EPB41L3: variants seen among roughly 807,000 people sequenced by gnomAD.
EPB41L3 encodes band 4.1-like protein 3.
In EPB41L3, 57 loss-of-function variants were observed where a neutral mutation model predicts 127.1. The observed-to-expected ratio is 0.45, with a 90% CI of 0.36 to 0.56. EPB41L3 has a LOEUF of 0.56. Ranked by LOEUF, EPB41L3 falls within the 20% of genes least tolerant of loss-of-function variation. The pLI, the probability that EPB41L3 is intolerant of heterozygous loss-of-function variation, is 0.00. For missense variants in EPB41L3, 1,273 were observed against 1,372.2 expected (o/e 0.93, Z 1.14); for synonymous variants, 572 against 549.5 (o/e 1.04, Z -0.57).
chr18:5,458,660 A>G (rs1309235334), intron 3 of EPB41L3, among the ~76,000 whole-genome samples: 1 of 152,220 alleles, frequency 6.6e-6, no homozygotes, highest in Non-Finnish European at 1.5e-5. Context: ...AAACACATGA[A>G]TAACAGTTTG....
chr18:5,628,575 G>A (rs1450722633), intron 1 of EPB41L3, among the ~76,000 whole-genome samples: 2 of 152,224 alleles, frequency 1.3e-5, no homozygotes, highest in Non-Finnish European at 2.9e-5. Context: ...TCTTGTGGAC[G>A]CCGCCCTTCG....
At chr18:5,471,853 T>C (rs1400263758) in intron 3 of EPB41L3, among the ~76,000 whole-genome samples, 1 of 152,166 alleles carries the variant, frequency 6.6e-6, no homozygotes, top group East Asian at 1.9e-4. Flanking sequence ...TGAATCCTGT[T>C]AGGCCTTCAC....
At chr18:5,478,683 C>G (rs565646824) in intron 2 of EPB41L3, among the ~76,000 whole-genome samples, 3 of 152,316 alleles carry the variant, frequency 2.0e-5, no homozygotes, top group Admixed American at 6.5e-5. Flanking sequence ...ACTGAGTTAG[C>G]AAATGCTATC....
At chr18:5,577,164 A>C (rs1228578032) in intron 3 of EPB41L3, among the ~76,000 whole-genome samples, 1 of 152,252 alleles carries the variant, frequency 6.6e-6, no homozygotes, top group African/African-American at 2.4e-5. Context: ...AGACATAAAT[A>C]ACAAACATTT....
At chr18:5,576,343 G>A (rs141402222) in intron 3 of EPB41L3, among the ~76,000 whole-genome samples, 293 of 152,316 alleles carry the variant, frequency 1.9e-3, no homozygotes, top group African/African-American at 6.9e-3. Flanking sequence ...CAGCAACTTA[G>A]TAGTTGGCAG....
At chr18:5,415,725 A>C (rs1456086980) in intron 13 of EPB41L3, 93 bp downstream of exon 13, 15 of 1,306,264 alleles carry the variant, frequency 1.1e-5, no homozygotes, top group Non-Finnish European at 1.5e-5. Flanking sequence ...GAGGCTCTGA[A>C]AGTAGGACCA....
At chr18:5,629,298 G>T (rs1285344738), upstream of EPB41L3, among the ~76,000 whole-genome samples, 2 of 151,950 alleles carry the variant, frequency 1.3e-5, no homozygotes, top group East Asian at 3.9e-4. Flanking sequence ...AGTTGCCGGG[G>T]TGCAGCTGCG....
At chr18:5,604,868 CA>C (rs1251286863) in intron 3 of EPB41L3, among the ~76,000 whole-genome samples, 1 of 152,126 alleles carries the variant, frequency 6.6e-6, no homozygotes, top group Non-Finnish European at 1.5e-5. Context: ...GCTAATTTCA[CA>C]AAAAAGTTAC....
At chr18:5,600,978 A>G (rs575320711) in intron 3 of EPB41L3, among the ~76,000 whole-genome samples, 1 of 152,320 alleles carries the variant, frequency 6.6e-6, no homozygotes, top group South Asian at 2.1e-4. Flanking sequence ...CAGCTAATTC[A>G]TGGCATTCCA....
At chr18:5,538,084 A>C (rs2093622234) in intron 1 of EPB41L3, among the ~76,000 whole-genome samples, 1 of 152,210 alleles carries the variant, frequency 6.6e-6, no homozygotes, top group Non-Finnish European at 1.5e-5. Flanking sequence ...ATTTTTAGAA[A>C]CTGGAATTTT....
intron 1 of EPB41L3, among the ~76,000 whole-genome samples, chr18:5,527,496 A>G (rs1230996755): frequency 1.3e-5 from 2 of 152,250 alleles, no homozygotes; most frequent in Non-Finnish European, 2.9e-5. Flanking sequence ...GAGCACCTAC[A>G]GAAGTGCTGA....
intron 1 of EPB41L3, chr18:5,540,537 G>C: frequency 2.0e-6 from 2 of 985,432 alleles, no homozygotes; most frequent in Non-Finnish European, 2.4e-6. Context: ...ATTCCCCACA[G>C]CCAAGGCAAA....
chr18:5,443,732 A>G, intron 5 of EPB41L3, 106 bp downstream of exon 5: 3 of 816,628 alleles, frequency 3.7e-6, no homozygotes, highest in Non-Finnish European at 3.9e-6. Flanking sequence ...TTGAGATAAG[A>G]AAAGCTTGTA....
rs934040603 is a variant in EPB41L3 at position 5,488,830 on chromosome 18, T to A, written c.183+171A>T. The A allele has an allele frequency of 1.6e-5, 10 of 632,146 alleles. No individual in the cohort carries two copies. In the African/African-American group the frequency reaches 2.0e-4, roughly 12 times the overall value. The allele number at this position is 632,146 out of a possible 1,614,324, so 39.2% of individuals were successfully genotyped here. ...GGAGTTACCAAGCAAGGTTGTGGAA[T>A]GTCATTCACTGAAAGCCTTAAAATA... On this transcript the variant is annotated intron_variant, in intron 2 of 22. Transcript: ENST00000341928.
At chr18:5,590,235 C>T (rs924587396) in intron 3 of EPB41L3, among the ~76,000 whole-genome samples, 4 of 152,052 alleles carry the variant, frequency 2.6e-5, no homozygotes, top group Admixed American at 2.0e-4. Context: ...ATCAGAGGTT[C>T]CCAAGGAGAG....
intron 3 of EPB41L3, among the ~76,000 whole-genome samples, chr18:5,579,164 T>G (rs772795437): frequency 2.0e-5 from 3 of 152,230 alleles, no homozygotes; most frequent in Non-Finnish European, 4.4e-5. Context: ...CAAGATGTCC[T>G]TTTTAAAAAC....
exon 2 of EPB41L3, chr18:5,614,379 A>T (rs1412292056): frequency 6.6e-6 from 1 of 152,122 alleles, no homozygotes; most frequent in Non-Finnish European, 1.5e-5. Context: ...TGCTTGATTC[A>T]TGGAAAATGT....
At position 5,467,786 on chromosome 18, in the gene EPB41L3, C is replaced by A. The variant is rs529064530; in HGVS notation, c.381+10455G>T. Among the ~76,000 whole-genome samples, 129 of 152,288 alleles carry A rather than the reference C, an allele frequency of 8.5e-4. 1 individual carries two copies. The highest frequency in any genetic ancestry group is 2.9e-3 in the African/African-American group (122 of 41,576). ...GTTTCCTTTTTCTTCCTATCGATGG[C>A]AGTGGTGGCCTGACTGGAGTGGCCG... is the stretch of plus-strand genomic sequence containing the variant. On this transcript the variant is annotated intron_variant, in intron 3 of 22. Coordinates refer to ENST00000341928, the MANE Select transcript of EPB41L3 (RefSeq NM_012307.5).
Position 5,623,458 on chromosome 18 carries a change from C to T in EPB41L3, c.-468+5464G>A, listed in dbSNP as rs548897735. 3.3e-5 allele frequency among the ~76,000 whole-genome samples: 5 copies of T among 152,122 alleles called. No homozygotes were observed. In the East Asian group the frequency reaches 9.6e-4, roughly 29 times the overall value. On this transcript the variant is annotated intron_variant, in intron 1 of 21. Coordinates refer to the EPB41L3 transcript ENST00000545076. ...TTTCTTTTTGCTCATTCCTAGTGAG[C>T]AATGGACTATTTACAACTATTTGAG... is the stretch of plus-strand genomic sequence containing the variant.
Sources: gnomAD v4.1 joint callset for allele counts (sites outside exome capture counted in the v4.1 genomes callset) on GRCh38, gnomAD v4.1.1 for gene constraint, MANE v1.5 for transcripts, NCBI Gene and HGNC (gene_info 2026-07-23, HGNC 2026-07-21) for gene names.